CDKAL1: variants seen among roughly 807,000 people sequenced by gnomAD.
CDKAL1 encodes the protein threonylcarbamoyladenosine tRNA methylthiotransferase.
In CDKAL1, 32 loss-of-function variants were observed where a neutral mutation model predicts 68.2. That is an observed-to-expected ratio of 0.47 (90% CI 0.35 to 0.63). CDKAL1 has a LOEUF of 0.63. CDKAL1 is among the 30% of genes least tolerant of loss of function. The pLI, the probability that CDKAL1 is intolerant of heterozygous loss-of-function variation, is 0.00. For missense variants in CDKAL1, 606 were observed against 696.7 expected, an observed-to-expected ratio of 0.87 and a Z score of 1.47; for synonymous variants, 234 against 244.3, an observed-to-expected ratio of 0.96 and a Z score of 0.39.
chr6:20,794,122 C>T (rs552205995), intron 8 of CDKAL1, among the ~76,000 whole-genome samples: 63 of 151,554 alleles, frequency 4.2e-4, no homozygotes, highest in Middle Eastern at 6.8e-3. Context: ...TTTTAAAATC[C>T]TTCTTTAAAT....
intron 5 of CDKAL1, among the ~76,000 whole-genome samples, chr6:20,730,969 A>C (rs1772898203): frequency 6.6e-6 from 1 of 152,104 alleles, no homozygotes; most frequent in Admixed American, 6.5e-5. Context: ...CAGATGAAGG[A>C]AAGTGAGCCA....
At chr6:21,065,334 C>T in intron 12 of CDKAL1, 106 bp downstream of exon 12, 2 of 872,682 alleles carry the variant, frequency 2.3e-6, no homozygotes, top group Non-Finnish European at 3.5e-6. Flanking sequence ...CCTTAAATTA[C>T]AAAATATGGA....
Position 21,000,354 on chromosome 6 carries a change from T to C in CDKAL1, c.1037T>C (p.Val346Ala). The change falls in exon 11 of 16, where the codon GTG becomes GCG. Residue 346 changes from valine to alanine, a missense_variant. By Grantham distance (64) the Val-to-Ala change is moderately conservative. Coordinates refer to ENST00000274695, the MANE Select transcript of CDKAL1 (RefSeq NM_017774.3). ...TGTGTGGCTGACTTCAAAAGAGTAG[T>C]GGATTTTCTGAAAGAGAAGTAAGTC... The part of the protein sequence containing the change: ...EYCVADFKRV[V>A]DFLKEKVPGI... The C allele has an allele frequency of 1.2e-6, 2 of 1,613,142 alleles. No homozygotes were observed. Among genetic ancestry groups the C allele is most frequent in the Non-Finnish European group, 8.5e-7 (1 of 1,179,494 alleles).
intron 5 of CDKAL1, among the ~76,000 whole-genome samples, chr6:20,660,860 G>C (rs147711287): frequency 6.6e-6 from 1 of 152,226 alleles, no homozygotes; most frequent in African/African-American, 2.4e-5. Flanking sequence ...ATTGTAAGTT[G>C]TATAAGTAAT....
chr6:21,097,819 G>A (rs901261658), intron 12 of CDKAL1, among the ~76,000 whole-genome samples: 1 of 152,110 alleles, frequency 6.6e-6, no homozygotes, highest in Non-Finnish European at 1.5e-5. Context: ...TCAAATTCTG[G>A]AATTTTTACA....
intron 7 of CDKAL1, chr6:20,772,901 A>G (rs576229252): frequency 6.6e-6 from 1 of 152,324 alleles, no homozygotes; most frequent in East Asian, 1.9e-4. Context: ...AACTCTGGAA[A>G]TGCACCTTGG....
At chr6:20,985,672 C>A (rs968386349) in intron 10 of CDKAL1, among the ~76,000 whole-genome samples, 3 of 152,130 alleles carry the variant, frequency 2.0e-5, no homozygotes, top group Non-Finnish European at 4.4e-5. Flanking sequence ...GTAATCCCAG[C>A]ATTTTGAGAG....
intron 12 of CDKAL1, among the ~76,000 whole-genome samples, chr6:21,069,620 C>T (rs1462901402): frequency 6.6e-6 from 1 of 151,852 alleles, no homozygotes; most frequent in Non-Finnish European, 1.5e-5. Flanking sequence ...GTAATGTCTT[C>T]TTAATTTTGT....
intron 13 of CDKAL1, among the ~76,000 whole-genome samples, chr6:21,181,859 T>G (rs1777802253): frequency 6.6e-6 from 1 of 152,248 alleles, no homozygotes; most frequent in Non-Finnish European, 1.5e-5. Context: ...GCCATTTCTT[T>G]CTGCTTTACT....
At chr6:20,875,025 C>T (rs1403265396) in intron 9 of CDKAL1, among the ~76,000 whole-genome samples, 2 of 151,762 alleles carry the variant, frequency 1.3e-5, no homozygotes, top group Admixed American at 6.6e-5. Context: ...AGCAGGCCGG[C>T]GCGGTGGCTC....
At chr6:20,751,463 G>A (rs1315664759) in intron 6 of CDKAL1, among the ~76,000 whole-genome samples, 2 of 152,206 alleles carry the variant, frequency 1.3e-5, no homozygotes, top group Non-Finnish European at 2.9e-5. Context: ...CATGTGGCTA[G>A]TGACTATCAT....
chr6:20,898,360 C>T (rs745822199), intron 9 of CDKAL1, among the ~76,000 whole-genome samples: 2 of 149,932 alleles, frequency 1.3e-5, no homozygotes, highest in African/African-American at 2.5e-5. Context: ...TGGGAATTCT[C>T]GTTCTTGATT....
At chr6:20,612,538 C>T (rs1766664870) in intron 4 of CDKAL1, among the ~76,000 whole-genome samples, 1 of 151,938 alleles carries the variant, frequency 6.6e-6, no homozygotes, top group Non-Finnish European at 1.5e-5. Flanking sequence ...ACCTGTTGTC[C>T]ATTTGTATGT....
chr6:20,731,351 G>A (rs1042945589), intron 5 of CDKAL1, among the ~76,000 whole-genome samples: 14 of 152,208 alleles, frequency 9.2e-5, no homozygotes, highest in Non-Finnish European at 7.3e-5. Flanking sequence ...CTTAGACCAT[G>A]GTGGTAGCTG....
chr6:21,214,124 G>A (rs1346992235), intron 15 of CDKAL1, among the ~76,000 whole-genome samples: 1 of 152,128 alleles, frequency 6.6e-6, no homozygotes, highest in African/African-American at 2.4e-5. Context: ...TTGAGAATAG[G>A]CAAATTCATA....
chr6:20,629,468 C>A (rs182771787), intron 4 of CDKAL1, among the ~76,000 whole-genome samples: 45 of 152,198 alleles, frequency 3.0e-4, no homozygotes, highest in Middle Eastern at 6.8e-3. Context: ...ATGTAAATTT[C>A]CCCTTCCTCT....
intron 10 of CDKAL1, among the ~76,000 whole-genome samples, chr6:20,994,227 C>T (rs1354784779): frequency 6.6e-6 from 1 of 152,214 alleles, no homozygotes; most frequent in African/African-American, 2.4e-5. Flanking sequence ...GCCTGTAATC[C>T]CAGCACTTTG....
intron 8 of CDKAL1, among the ~76,000 whole-genome samples, chr6:20,838,018 A>G (rs1198940477): frequency 6.6e-6 from 1 of 150,972 alleles, no homozygotes; most frequent in Non-Finnish European, 1.5e-5. Context: ...ATATGTATAC[A>G]TCTACTTGTA....
chr6:20,703,464 C>T (rs945398088), intron 5 of CDKAL1, among the ~76,000 whole-genome samples: 1 of 151,960 alleles, frequency 6.6e-6, no homozygotes, highest in African/African-American at 2.4e-5. Context: ...AAAAAAAAAC[C>T]CAACTCTTTT....
Sources: gnomAD v4.1 joint callset for allele counts (sites outside exome capture counted in the v4.1 genomes callset) on GRCh38, gnomAD v4.1.1 for gene constraint, MANE v1.5 for transcripts, NCBI Gene and HGNC (gene_info 2026-07-23, HGNC 2026-07-21) for gene names.